PRTN3: variants seen among roughly 807,000 people sequenced by gnomAD.
The protein encoded by PRTN3 is myeloblastin.
A neutral mutation model predicts 20.7 loss-of-function variants in PRTN3; 22 were observed. The observed-to-expected ratio is 1.06, with a 90% CI of 0.76 to 1.52. The LOEUF (loss-of-function observed/expected upper bound fraction) is 1.52, where lower values mean the gene tolerates loss of function less well. Ranked by LOEUF, PRTN3 falls within the 40% of genes most tolerant of loss-of-function variation. The pLI is 0.00. For synonymous variants in PRTN3, 173 were observed against 152.9 expected, an observed-to-expected ratio of 1.13 and a Z score of -0.97; for missense variants, 378 against 359.6, an observed-to-expected ratio of 1.05 and a Z score of -0.41.
rs754825960 is a variant in PRTN3 at position 843,620 on chromosome 19, G to C, written c.221G>C (p.Arg74Pro). Residue 74 changes from arginine to proline, a missense_variant, in exon 2 of 5, where the codon CGG becomes CCG. Transcript: ENST00000234347. ...GTGCTGACGGCCGCGCACTGCCTGC[G>C]GGACATGTGAGCGGCCGCCTCCACA... ...SFVLTAAHCLRDIPQRLVNVV... is the reference protein window; with the variant it reads ...SFVLTAAHCLPDIPQRLVNVV... 3 of 1,583,090 alleles carry C rather than the reference G, an allele frequency of 1.9e-6. No individual in the cohort carries two copies. The South Asian group carries it at 3.4e-5, about 18-fold the overall frequency.
chr19:844,049 C>A lies in PRTN3; in HGVS notation c.369+15C>A. 2 of 1,594,742 alleles carry A rather than the reference C, an allele frequency of 1.3e-6. No individual in the cohort carries two copies. The highest frequency in any genetic ancestry group is 8.5e-7 in the Non-Finnish European group (1 of 1,171,002). ...TCCTCATCCAGGTGGGCGGGCAGGG[C>A]CGCGAGGGCTCGGAGGGGCACGGCC... On this transcript the variant is annotated intron_variant, in intron 3 of 4. Transcript: ENST00000234347.
chr19:844,163 G>T (rs2035483608), intron 3 of PRTN3, 129 bp downstream of exon 3: 1 of 1,276,916 alleles, frequency 7.8e-7, no homozygotes, highest in Non-Finnish European at 1.0e-6. Flanking sequence ...TGCAGCCTGG[G>T]TCCAGTGGCA....
chr19:843,968 G>C lies in PRTN3; in HGVS notation c.303G>C (p.Ser101=), dbSNP rs967723676. 14 of 1,604,108 alleles carry C rather than the reference G, an allele frequency of 8.7e-6. No individual in the cohort carries two copies. Among genetic ancestry groups the C allele is most frequent in the Non-Finnish European group, 1.2e-5 (14 of 1,176,020 alleles). The change falls in exon 3 of 5, where the codon TCG becomes TCC. Residue 101 remains serine (S), a synonymous_variant. Coordinates refer to ENST00000234347, the MANE Select transcript of PRTN3 (RefSeq NM_002777.4). Reference sequence around the variant, plus strand: ...AGGAGCCCACCCAGCAGCACTTCTCGGTGGCTCAGGTGTTTCTGAACAACT... The same window carrying C: ...AGGAGCCCACCCAGCAGCACTTCTCCGTGGCTCAGGTGTTTCTGAACAACT... The part of the protein sequence containing the change: ...RTQEPTQQHF[S]VAQVFLNNYD...
Position 848,098 on chromosome 19 carries a change from C to T in PRTN3, c.*129C>T. On this transcript the variant is annotated 3_prime_UTR_variant, in exon 5 of 5. Coordinates refer to ENST00000234347, the MANE Select transcript of PRTN3 (RefSeq NM_002777.4). ...GGACGGCCCCACCCGTCCCCCCACA[C>T]TCCCTCCCACGGGGCTCCGGGAGAC... 1 of 1,195,282 alleles carries T rather than the reference C, an allele frequency of 8.4e-7. No homozygotes were observed. The highest frequency in any genetic ancestry group is 1.1e-6 in the Non-Finnish European group (1 of 872,846). 74.0% of individuals were successfully genotyped at this position (1,195,282 alleles called of 1,614,324 possible). A position where few individuals can be genotyped will look rare whatever the true frequency, so the allele number is the denominator to read the frequency against.
At chr19:843,090 T>A (rs1197866978) in intron 1 of PRTN3, among the ~76,000 whole-genome samples, 1 of 151,988 alleles carries the variant, frequency 6.6e-6, no homozygotes. Context: ...AATTTTAAAA[T>A]TTTTTGTAGA....
rs925031404 is a variant in PRTN3, at chr19:848,001, C to T, written c.*32C>T. The T allele has an allele frequency of 1.9e-5, 30 of 1,571,534 alleles. No homozygotes were observed. Among genetic ancestry groups the T allele is most frequent in the African/African-American group, 1.3e-4 (10 of 74,128 alleles). ...CCTCCCACAGCGCTGGCCGGGACCC[C>T]GAGCCTGGCTCCAAACCCTCGAGGC... On this transcript the variant is annotated 3_prime_UTR_variant, in exon 5 of 5. Transcript: ENST00000234347.
intron 3 of PRTN3, 105 bp from the exon 4 acceptor site, chr19:846,042 G>T (rs1346391790): frequency 1.3e-5 from 10 of 752,386 alleles, no homozygotes; most frequent in Non-Finnish European, 1.6e-5. Flanking sequence ...AGCGGCATCC[G>T]CGGCGTTTTG....
Position 847,957 on chromosome 19 carries a change from G to A in PRTN3, c.759G>A (p.Lys253=). The change falls in exon 5 of 5, where the codon AAG becomes AAA. Residue 253 remains lysine, a synonymous_variant. Coordinates refer to ENST00000234347, the MANE Select transcript of PRTN3 (RefSeq NM_002777.4). ...IRSTLRRVEA[K]GRP ...CCACGCTGCGCCGTGTGGAGGCCAA[G>A]GGCCGCCCCTGAACCGCCCCTCCCA... 6.2e-7 allele frequency: 1 copy of A among 1,601,520 alleles called. No individual in the cohort carries two copies. Among genetic ancestry groups the A allele is most frequent in the Non-Finnish European group, 8.5e-7 (1 of 1,174,226 alleles).
rs372208479 is a variant in PRTN3, at chr19:844,017, G to A, written c.352G>A (p.Asp118Asn). 3.8e-5 allele frequency: 61 copies of A among 1,606,672 alleles called. No homozygotes were observed. The highest frequency in any genetic ancestry group is 3.6e-4 in the South Asian group (32 of 89,356). Residue 118 changes from aspartate (D) to asparagine (N), a missense_variant, in exon 3 of 5, where the codon GAC (aspartate) becomes AAC (asparagine). Asp to Asn is a conservative substitution (Grantham distance 23, BLOSUM62 1). Transcript: ENST00000234347. The stretch of plus-strand genomic sequence containing the variant: ...CTACGACGCGGAGAACAAACTGAAC[G>A]ACGTTCTCCTCATCCAGGTGGGCGG... The part of the protein sequence containing the change: ...NNYDAENKLN[D>N]VLLIQLSSPA...
rs542048200 is a variant in PRTN3, at chr19:841,212, G to A, written c.61+143G>A. 16 of 1,129,832 alleles carry A rather than the reference G, an allele frequency of 1.4e-5. No individual in the cohort carries two copies. The African/African-American group carries it at 1.5e-4, about 11-fold the overall frequency. 70.0% of individuals were successfully genotyped at this position (1,129,832 alleles called of 1,614,324 possible). A position where few individuals can be genotyped will look rare whatever the true frequency, so the allele number is the denominator to read the frequency against. Reference sequence around the variant, plus strand: ...TCAGGGGAGACTCCACTCACTGCTCGGGACCAACGCTTGCAGGGGTGGGGA... The same window carrying A: ...TCAGGGGAGACTCCACTCACTGCTCAGGACCAACGCTTGCAGGGGTGGGGA... On this transcript the variant is annotated intron_variant, in intron 1 of 4. Transcript: ENST00000234347.
Position 842,413 on chromosome 19 carries a change from A to ATT in PRTN3, c.62-1025_62-1024dup, listed in dbSNP as rs34047197. Among the ~76,000 whole-genome samples, 244 of 39,414 alleles carry ATT rather than the reference A, an allele frequency of 6.2e-3. 17 individuals are homozygous for ATT. The highest frequency in any genetic ancestry group is 0.016 in the African/African-American group (106 of 6,786). The allele number at this position is 39,414 out of a possible 152,430, so 25.9% of individuals were successfully genotyped here. ...TCAGGCATGAGCCACTGCGCCCAGG[A>ATT]TTTTTTTTTTTTTTTTTTTTTTTTG... On this transcript the variant is annotated intron_variant, in intron 1 of 4. Transcript: ENST00000234347.
chr19:845,585 G>T (rs995319032), intron 3 of PRTN3, among the ~76,000 whole-genome samples: 5 of 151,872 alleles, frequency 3.3e-5, no homozygotes, highest in Non-Finnish European at 7.4e-5. Flanking sequence ...GTGACGGCAG[G>T]TGTCTGTAGT....
Position 844,210 on chromosome 19 carries a change from C to G in PRTN3, c.369+176C>G, listed in dbSNP as rs369526931. Among the ~76,000 whole-genome samples, 377 of 138,174 alleles carry G rather than the reference C, an allele frequency of 2.7e-3. 1 individual carries two copies. Among genetic ancestry groups the G allele is most frequent in the African/African-American group, 0.01 (360 of 35,726 alleles). The allele number at this position is 138,174 out of a possible 152,430, so 90.6% of individuals were successfully genotyped here. On this transcript the variant is annotated intron_variant, in intron 3 of 4. Coordinates refer to ENST00000234347, the MANE Select transcript of PRTN3 (RefSeq NM_002777.4). ...AGACCGCTCCTTGGACACCAGGCCA[C>G]TCCTCCTCCCCGCCTCTCCCCCGCC...
In PRTN3 at chr19:843,634, G is replaced by A. The variant is rs778516183; in HGVS notation, c.227+8G>A. The A allele has an allele frequency of 6.5e-7, 1 of 1,539,390 alleles. No individual in the cohort carries two copies. The highest frequency in any genetic ancestry group is 8.7e-7 in the Non-Finnish European group (1 of 1,150,456). ...GCACTGCCTGCGGGACATGTGAGCGGCCGCCTCCACACCCCTGTCCGCCCG... is the reference window on the plus strand; with the variant it reads ...GCACTGCCTGCGGGACATGTGAGCGACCGCCTCCACACCCCTGTCCGCCCG... On this transcript the variant is annotated splice_region_variant and intron_variant, in intron 2 of 4. Transcript: ENST00000234347.
chr19:843,834 C>G, intron 2 of PRTN3, 59 bp from the exon 3 acceptor site: 2 of 1,521,624 alleles, frequency 1.3e-6, no homozygotes, highest in South Asian at 1.2e-5. Context: ...CGGGAAGGGC[C>G]GGCTGTGGGC....
Position 845,060 on chromosome 19 carries a change from G to T in PRTN3, c.369+1026G>T, listed in dbSNP as rs1045749602. Among the ~76,000 whole-genome samples, 28 of 148,862 alleles carry T rather than the reference G, an allele frequency of 1.9e-4. No homozygotes were observed. The East Asian group carries it at 5.6e-3, about 30-fold the overall frequency. On this transcript the variant is annotated intron_variant, in intron 3 of 4. Coordinates refer to ENST00000234347, the MANE Select transcript of PRTN3 (RefSeq NM_002777.4). Reference sequence around the variant, plus strand: ...CCTTCCAGGTTCAAGTAATTCTCCTGCCTCAGCCTCCTGAGTAGCTGGGAT... The same window carrying T: ...CCTTCCAGGTTCAAGTAATTCTCCTTCCTCAGCCTCCTGAGTAGCTGGGAT...
At chr19:847,228 C>T (rs1370136692) in intron 4 of PRTN3, among the ~76,000 whole-genome samples, 1 of 152,048 alleles carries the variant, frequency 6.6e-6, no homozygotes, top group Non-Finnish European at 1.5e-5. Context: ...ATCACTTGAG[C>T]CTGGGGAGTT....
chr19:841,070 G>T lies in PRTN3; in HGVS notation c.61+1G>T, dbSNP rs769535421. On this transcript the variant is annotated splice_donor_variant, in intron 1 of 4. Transcript: ENST00000234347. LOFTEE classifies it high-confidence loss of function. Reference sequence around the variant, plus strand: ...GTGCTGCTGGCCTTGCTGCTGAGCGGTGAGTGAGCCACGTGCCCATCCATC... The same window carrying T: ...GTGCTGCTGGCCTTGCTGCTGAGCGTTGAGTGAGCCACGTGCCCATCCATC... The T allele has an allele frequency of 6.2e-7, 1 of 1,604,868 alleles. No homozygotes were observed. The highest frequency in any genetic ancestry group is 8.5e-7 in the Non-Finnish European group (1 of 1,179,824).
Position 847,792 on chromosome 19 carries a change from C to T in PRTN3, c.601-7C>T. 6.2e-7 allele frequency: 1 copy of T among 1,605,452 alleles called. No homozygotes were observed. Among genetic ancestry groups the T allele is most frequent in the Non-Finnish European group, 8.5e-7 (1 of 1,175,528 alleles). Reference sequence around the variant, plus strand: ...CTGATGGGTGACTGGCCGTCCCTGTCCTCCAGGGAGACTCAGGTGGCCCCC... The same window carrying T: ...CTGATGGGTGACTGGCCGTCCCTGTTCTCCAGGGAGACTCAGGTGGCCCCC... On this transcript the variant is annotated splice_polypyrimidine_tract_variant and splice_region_variant and intron_variant, in intron 4 of 4. Coordinates refer to ENST00000234347, the MANE Select transcript of PRTN3 (RefSeq NM_002777.4).
Sources: gnomAD v4.1 joint callset for allele counts (sites outside exome capture counted in the v4.1 genomes callset) on GRCh38, gnomAD v4.1.1 for gene constraint, MANE v1.5 for transcripts, NCBI Gene and HGNC (gene_info 2026-07-23, HGNC 2026-07-21) for gene names.